PEX7: variants seen among roughly 807,000 people sequenced by gnomAD.
The protein encoded by PEX7 is peroxisomal biogenesis factor 7, also known as PTS2 receptor.
PEX7 carries 34 observed loss-of-function variants against 47.5 expected under a neutral mutation model. The ratio of observed to expected loss-of-function variants is 0.72; its 90% CI spans 0.54 to 0.95. The LOEUF (loss-of-function observed/expected upper bound fraction) is 0.95, where lower values mean the gene tolerates loss of function less well. Ranked by LOEUF, PEX7 falls within the 40% of genes least tolerant of loss-of-function variation. PEX7 has a pLI of 0.00. For synonymous variants in PEX7, 141 were observed against 148.8 expected (o/e 0.95, Z 0.38); for missense variants, 394 against 400.3 (o/e 0.98, Z 0.13).
intron 1 of PEX7, chr6:136,823,203 G>C: frequency 1.0e-6 from 1 of 985,408 alleles, no homozygotes; most frequent in Non-Finnish European, 1.2e-6. Context: ...CCCAGGGCTC[G>C]CGAGTTGGCC....
intron 9 of PEX7, among the ~76,000 whole-genome samples, chr6:136,912,989 TC>T (rs1775956009): frequency 6.6e-6 from 1 of 152,174 alleles, no homozygotes; most frequent in Non-Finnish European, 1.5e-5. Context: ...AATCATATAG[TC>T]CCCCTAAGAG....
chr6:136,913,408 A>G, intron 9 of PEX7, 50 bp from the exon 10 acceptor site: 3 of 1,349,212 alleles, frequency 2.2e-6, no homozygotes, highest in Non-Finnish European at 3.2e-6. Context: ...TCAATTTTGA[A>G]TTTTTGTATG....
chr6:136,864,433 G>A (rs974188722), intron 5 of PEX7, among the ~76,000 whole-genome samples: 2 of 152,064 alleles, frequency 1.3e-5, no homozygotes, highest in African/African-American at 4.8e-5. Flanking sequence ...ATTGTAGGTA[G>A]GAAACTGAAG....
At chr6:136,867,426 A>G (rs181005543) in intron 6 of PEX7, among the ~76,000 whole-genome samples, 89 of 152,250 alleles carry the variant, frequency 5.8e-4, no homozygotes, top group Non-Finnish European at 1.1e-3. Context: ...GAAGACAGTG[A>G]TATTGATAAT....
At chr6:136,839,015 C>T (rs961172150) in intron 3 of PEX7, among the ~76,000 whole-genome samples, 2 of 152,018 alleles carry the variant, frequency 1.3e-5, no homozygotes, top group African/African-American at 4.8e-5. Flanking sequence ...AACCCTGTCT[C>T]TACAAAAAAT....
At chr6:136,837,668 C>T (rs1774416569) in intron 3 of PEX7, among the ~76,000 whole-genome samples, 2 of 152,098 alleles carry the variant, frequency 1.3e-5, no homozygotes, top group African/African-American at 4.8e-5. Flanking sequence ...TGCAAGATAT[C>T]TTCTTGTGTC....
At chr6:136,841,012 T>A (rs1388455134) in intron 3 of PEX7, among the ~76,000 whole-genome samples, 8 of 152,256 alleles carry the variant, frequency 5.3e-5, no homozygotes, top group Admixed American at 5.2e-4. Context: ...ATTATACATT[T>A]ATTTATAGCA....
At chr6:136,839,149 C>G (rs1307850827) in intron 3 of PEX7, among the ~76,000 whole-genome samples, 2 of 152,032 alleles carry the variant, frequency 1.3e-5, no homozygotes, top group African/African-American at 4.8e-5. Flanking sequence ...CGTGGCACTG[C>G]ACTCCAGCCT....
intron 8 of PEX7, among the ~76,000 whole-genome samples, chr6:136,896,032 A>C (rs1775641608): frequency 6.6e-6 from 1 of 152,152 alleles, no homozygotes; most frequent in South Asian, 2.1e-4. Flanking sequence ...CCCTCATCAC[A>C]CTTTCAGGCT....
rs559810467 is a variant in PEX7 at position 136,861,283 on chromosome 6, C to T, written c.527-5344C>T. Among the ~76,000 whole-genome samples the T allele has an allele frequency of 1.2e-4, 18 of 152,132 alleles. No homozygotes were observed. The South Asian group carries it at 3.1e-3, about 26-fold the overall frequency. ...TATTTTCTGTAGAGACAGGATTTCA[C>T]GGTTGCCCAGGCTGGTCTGGAACTC... On this transcript the variant is annotated intron_variant, in intron 5 of 9. Coordinates refer to ENST00000318471, the MANE Select transcript of PEX7 (RefSeq NM_000288.4).
At chr6:136,865,132 A>G (rs1327705602) in intron 5 of PEX7, among the ~76,000 whole-genome samples, 4 of 152,158 alleles carry the variant, frequency 2.6e-5, no homozygotes, top group African/African-American at 9.7e-5. Context: ...TTTTTGTAAT[A>G]ATGCAAAGTG....
At position 136,845,617 on chromosome 6, in the gene PEX7, G is replaced by C. The variant is rs1391429984; in HGVS notation, c.342G>C (p.Val114=). 6.3e-7 allele frequency: 1 copy of C among 1,589,936 alleles called. No homozygotes were observed. The highest frequency in any genetic ancestry group is 1.1e-5 in the South Asian group (1 of 90,596). The change falls in exon 4 of 10, where the codon GTG becomes GTC. Residue 114 remains valine (V), a splice_region_variant and synonymous_variant. Coordinates refer to ENST00000318471, the MANE Select transcript of PEX7 (RefSeq NM_000288.4). ...LQVYKEHAQE[V]YSVDWSQTRG... ...TAAACACTTTTCAATGTTTTTAGGT[G>C]TATAGTGTTGATTGGAGCCAAACCA...
intron 5 of PEX7, among the ~76,000 whole-genome samples, chr6:136,853,920 A>T (rs1774807667): frequency 6.6e-6 from 1 of 152,152 alleles, no homozygotes; most frequent in Non-Finnish European, 1.5e-5. Flanking sequence ...TTGAATTTTT[A>T]AGCTAAGTCA....
At chr6:136,824,424 C>T (rs1774151244) in intron 1 of PEX7, among the ~76,000 whole-genome samples, 1 of 151,972 alleles carries the variant, frequency 6.6e-6, no homozygotes, top group Non-Finnish European at 1.5e-5. Flanking sequence ...CAGGCTGGTC[C>T]GGAACTGGGT....
chr6:136,869,865 TTA>T (rs1312825671), intron 6 of PEX7, 23 bp from the exon 7 acceptor site: 12 of 1,539,486 alleles, frequency 7.8e-6, no homozygotes, highest in Non-Finnish European at 1.1e-5. Flanking sequence ...ATGTCACAGT[TTA>T]TGTTTCTCTG....
Position 136,866,676 on chromosome 6 carries a change from C to T in PEX7, c.576C>T (p.Ile192=), listed in dbSNP as rs776411851. ...IWDVKAAGVR[I]VIPAHQAEIL... The stretch of plus-strand genomic sequence containing the variant: ...ATGTGAAGGCAGCAGGAGTAAGAAT[C>T]GTGATTCCTGCACATCAGGCAGAAA... Residue 192 remains isoleucine, a synonymous_variant, in exon 6 of 10, where the codon ATC becomes ATT. Coordinates refer to ENST00000318471, the MANE Select transcript of PEX7 (RefSeq NM_000288.4). The T allele has an allele frequency of 5.3e-5, 86 of 1,613,972 alleles. 1 individual carries two copies. In the Middle Eastern group the frequency reaches 3.6e-3, roughly 68 times the overall value.
chr6:136,902,993 G>T (rs1775778650), intron 9 of PEX7, among the ~76,000 whole-genome samples: 1 of 152,092 alleles, frequency 6.6e-6, no homozygotes, highest in African/African-American at 2.4e-5. Flanking sequence ...AAAGAAAAAA[G>T]ATTACCTCTA....
chr6:136,825,163 A>T (rs1189245960), intron 1 of PEX7, 51 bp from the exon 2 acceptor site: 2 of 1,451,588 alleles, frequency 1.4e-6, no homozygotes, highest in Non-Finnish European at 1.9e-6. Flanking sequence ...TTGACTTTCG[A>T]TGTTACCCTG....
At chr6:136,829,911 T>C in intron 3 of PEX7, 1 of 676,256 alleles carries the variant, frequency 1.5e-6, no homozygotes, top group Admixed American at 2.2e-5. Context: ...CACTCCAGCC[T>C]GGACAACAGA....
Sources: gnomAD v4.1 joint callset for allele counts (sites outside exome capture counted in the v4.1 genomes callset) on GRCh38, gnomAD v4.1.1 for gene constraint, MANE v1.5 for transcripts, NCBI Gene and HGNC (gene_info 2026-07-23, HGNC 2026-07-21) for gene names.